PADI6: variants seen among roughly 807,000 people sequenced by gnomAD.
The protein encoded by PADI6 is peptidyl arginine deiminase 6, also known as inactive protein-arginine deiminase type-6.
Under a neutral mutation model 78.2 loss-of-function variants are expected in PADI6, and 66 were observed. The observed-to-expected ratio is 0.84, with a 90% CI of 0.69 to 1.04. The LOEUF is 1.04. Ranked by LOEUF, PADI6 falls within the 50% of genes least tolerant of loss-of-function variation. The pLI is 0.00. For missense variants in PADI6, 854 were observed against 866.1 expected (o/e 0.99, Z 0.18); for synonymous variants, 397 against 346.9 (o/e 1.14, Z -1.60).
Position 17,377,906 on chromosome 1 carries a change from G to A in PADI6, c.368-2014G>A, listed in dbSNP as rs1335180260. ...AATAACGCCTTCCAACTGCTTCCAC[G>A]TTGCTTGGATTAAAGCCAAAGTCGC... On this transcript the variant is annotated intron_variant, in intron 3 of 15. Transcript: ENST00000619609. Among the ~76,000 whole-genome samples, 6 of 152,156 alleles carry A rather than the reference G, an allele frequency of 3.9e-5. No individual in the cohort carries two copies. The East Asian group carries it at 5.8e-4, about 15-fold the overall frequency.
intron 13 of PADI6, among the ~76,000 whole-genome samples, chr1:17,396,599 TCTG>T (rs1376887184): frequency 2.6e-5 from 4 of 152,238 alleles, no homozygotes; most frequent in Admixed American, 6.5e-5. Flanking sequence ...GAAGGTGACA[TCTG>T]CTGAGCATGA....
chr1:17,372,469 C>T, intron 1 of PADI6, 108 bp downstream of exon 1: 1 of 1,012,584 alleles, frequency 9.9e-7, no homozygotes. Context: ...GCCTCACTAT[C>T]CTGCCCCATC....
chr1:17,381,912 C>A, intron 5 of PADI6, 55 bp from the exon 6 acceptor site: 4 of 1,607,432 alleles, frequency 2.5e-6, no homozygotes, highest in Non-Finnish European at 3.4e-6. Context: ...TTCCCTCCAC[C>A]CCCAGAGTGC....
At chr1:17,381,303 C>T (rs10788668) in intron 5 of PADI6, 139 bp downstream of exon 5, 484,055 of 665,448 alleles carry the variant, frequency 0.73, 177,840 homozygotes, top group Middle Eastern at 0.78. Context: ...GCTGATCAAA[C>T]CTTTTGTCCT....
rs2074977904 is a variant in PADI6, at chr1:17,373,040, T to C, written c.117-16T>C. 1 of 1,611,472 alleles carries C rather than the reference T, an allele frequency of 6.2e-7. No homozygotes were observed. Among genetic ancestry groups the C allele is most frequent in the African/African-American group, 1.3e-5 (1 of 74,998 alleles). ...GTGTTTGTGCCCTGACGCGTGTCTCTTACCGGGCAAACCAGGTGTGCCCCC... is the reference window on the plus strand; with the variant it reads ...GTGTTTGTGCCCTGACGCGTGTCTCCTACCGGGCAAACCAGGTGTGCCCCC... On this transcript the variant is annotated splice_polypyrimidine_tract_variant and intron_variant, in intron 1 of 15. Coordinates refer to ENST00000619609, the MANE Select transcript of PADI6 (RefSeq NM_207421.4).
At chr1:17,382,536 G>C (rs1407190278) in intron 6 of PADI6, among the ~76,000 whole-genome samples, 1 of 152,160 alleles carries the variant, frequency 6.6e-6, no homozygotes, top group Non-Finnish European at 1.5e-5. Context: ...AGCCACGGTA[G>C]CACCTGCATC....
At chr1:17,379,845 C>CT (rs1182441354) in intron 3 of PADI6, 75 bp from the exon 4 acceptor site, 2 of 1,356,472 alleles carry the variant, frequency 1.5e-6, no homozygotes, top group Non-Finnish European at 2.1e-6. Flanking sequence ...GGCAGCCCCA[C>CT]AGGAGATAAC....
At chr1:17,398,655 C>CG (rs762337435) in intron 14 of PADI6, 31 bp from the exon 15 acceptor site, 22 of 81,686 alleles carry the variant, frequency 2.7e-4, no homozygotes, top group Middle Eastern at 0.011. Context: ...TGCTCCCCCG[C>CG]CCCCCCCCCC....
At chr1:17,378,887 G>A (rs1196943596) in intron 3 of PADI6, among the ~76,000 whole-genome samples, 1 of 151,094 alleles carries the variant, frequency 6.6e-6, no homozygotes, top group African/African-American at 2.4e-5. Flanking sequence ...TTACAGGCAT[G>A]AGCCACCATG....
intron 5 of PADI6, 137 bp from the exon 6 acceptor site, chr1:17,381,830 G>C (rs1250459807): frequency 1.0e-5 from 10 of 959,024 alleles, no homozygotes; most frequent in Non-Finnish European, 1.6e-5. Context: ...GTAATTCTTC[G>C]GGCCTGGGCC....
At chr1:17,397,863 C>T (rs111301854) in intron 14 of PADI6, among the ~76,000 whole-genome samples, 1 of 152,098 alleles carries the variant, frequency 6.6e-6, no homozygotes, top group Admixed American at 6.6e-5. Flanking sequence ...GACATAGCTC[C>T]GCAGCCTCCT....
chr1:17,380,079 C>A, intron 4 of PADI6, 92 bp downstream of exon 4: 2 of 1,286,496 alleles, frequency 1.6e-6, no homozygotes, highest in Non-Finnish European at 2.2e-6. Context: ...CGTGTCTAGC[C>A]CAATTGCTGT....
chr1:17,380,002 A>T lies in PADI6; in HGVS notation c.435+15A>T, dbSNP rs1227678502. 1.2e-6 allele frequency: 2 copies of T among 1,612,498 alleles called. No individual in the cohort carries two copies. Among genetic ancestry groups the T allele is most frequent in the African/African-American group, 1.3e-5 (1 of 74,912 alleles). On this transcript the variant is annotated intron_variant, in intron 4 of 15. Coordinates refer to ENST00000619609, the MANE Select transcript of PADI6 (RefSeq NM_207421.4). The stretch of plus-strand genomic sequence containing the variant: ...AACAGGCTAAGGTGAGTCTGCCAGC[A>T]AAAGGGGGCAGGGAAGGGGCCCTAT...
intron 6 of PADI6, among the ~76,000 whole-genome samples, chr1:17,385,974 C>G (rs2075115081): frequency 1.3e-5 from 2 of 152,192 alleles, no homozygotes; most frequent in African/African-American, 4.8e-5. Context: ...GTTACCTGCT[C>G]TCAGAGCCTG....
chr1:17,378,959 G>T (rs1325113920), intron 3 of PADI6, among the ~76,000 whole-genome samples: 3 of 144,794 alleles, frequency 2.1e-5, no homozygotes, highest in South Asian at 2.2e-4. Flanking sequence ...TTTTTTTGGG[G>T]GGGGGGACAG....
intron 6 of PADI6, among the ~76,000 whole-genome samples, chr1:17,382,495 A>G (rs1000290061): frequency 2.6e-5 from 4 of 152,224 alleles, no homozygotes; most frequent in African/African-American, 7.2e-5. Flanking sequence ...TTAAATTTCC[A>G]GAAATCTGAG....
At chr1:17,393,929 G>A (rs2075217863) in intron 9 of PADI6, 46 bp from the exon 10 acceptor site, 1 of 1,551,190 alleles carries the variant, frequency 6.4e-7, no homozygotes, top group East Asian at 2.2e-5. Flanking sequence ...ATGGGGTCCG[G>A]GGAGATGTGT....
chr1:17,372,836 C>T (rs2074975099), intron 1 of PADI6, among the ~76,000 whole-genome samples: 3 of 152,064 alleles, frequency 2.0e-5, no homozygotes, highest in Admixed American at 6.5e-5. Context: ...GTAACTTCTG[C>T]AGTGTCGGTA....
chr1:17,395,314 C>T (rs1397667052), intron 12 of PADI6, among the ~76,000 whole-genome samples: 1 of 152,058 alleles, frequency 6.6e-6, no homozygotes, highest in East Asian at 1.9e-4. Context: ...AGCAATTCTC[C>T]TGCCTCAGCC....
Sources: allele counts gnomAD v4.1 joint callset (sites outside exome capture counted in the v4.1 genomes callset), GRCh38; gene constraint gnomAD v4.1.1; transcripts MANE v1.5; gene names NCBI Gene and HGNC (gene_info 2026-07-23, HGNC 2026-07-21).